Variants in ARHGAP32 observed in about 807,000 individuals in gnomAD.
The protein encoded by ARHGAP32 is rho GTPase-activating protein 32.
A neutral mutation model predicts 186.5 loss-of-function variants in ARHGAP32; 51 were observed. That is an observed-to-expected ratio of 0.27 (90% CI 0.22 to 0.35). The LOEUF is 0.35. Among genes scored for constraint, ARHGAP32 ranks in the 10% least tolerant of loss-of-function variants. ARHGAP32 has a pLI of 1.00. For synonymous variants in ARHGAP32, 950 were observed against 964.3 expected, an observed-to-expected ratio of 0.99 and a Z score of 0.27; for missense variants, 2,186 against 2,623.5, an observed-to-expected ratio of 0.83 and a Z score of 3.64.
intron 2 of ARHGAP32, among the ~76,000 whole-genome samples, chr11:129,155,484 A>G (rs954654592): frequency 2.0e-5 from 3 of 152,238 alleles, no homozygotes; most frequent in African/African-American, 7.2e-5. Flanking sequence ...CTATGCACTC[A>G]TTACAATATT....
intron 2 of ARHGAP32, among the ~76,000 whole-genome samples, chr11:129,160,960 T>C (rs755833378): frequency 6.6e-6 from 1 of 152,120 alleles, no homozygotes; most frequent in Non-Finnish European, 1.5e-5. Flanking sequence ...AACAGATATA[T>C]AGACCAATGG....
chr11:129,193,481 C>CA (rs1204964930), upstream of ARHGAP32, among the ~76,000 whole-genome samples: 211 of 26,038 alleles, frequency 8.1e-3, 10 homozygotes, highest in South Asian at 0.025. Context: ...GACCCTGTCT[C>CA]AAAAAAAAAA....
At chr11:129,278,610 C>A (rs1945565063) in intron 1 of ARHGAP32, among the ~76,000 whole-genome samples, 2 of 152,132 alleles carry the variant, frequency 1.3e-5, no homozygotes, top group Admixed American at 1.3e-4. Context: ...CACCGTCGTC[C>A]AACATGCAGC....
At chr11:129,259,019 T>C (rs1372073783) in intron 1 of ARHGAP32, among the ~76,000 whole-genome samples, 1 of 152,174 alleles carries the variant, frequency 6.6e-6, no homozygotes, top group African/African-American at 2.4e-5. Context: ...ATTATGGTGC[T>C]AGCCACTAGT....
chr11:129,198,669 T>C (rs964273936), intron 1 of ARHGAP32, among the ~76,000 whole-genome samples: 3 of 152,220 alleles, frequency 2.0e-5, no homozygotes, highest in African/African-American at 7.2e-5. Context: ...TTAAACCTCT[T>C]TCCTTTATAG....
chr11:129,027,593 C>T (rs1256551751), intron 11 of ARHGAP32, among the ~76,000 whole-genome samples: 1 of 152,136 alleles, frequency 6.6e-6, no homozygotes, highest in African/African-American at 2.4e-5. Context: ...GCTCTTCCTC[C>T]AGATTACATG....
At chr11:129,073,792 C>A (rs1940947359) in intron 6 of ARHGAP32, among the ~76,000 whole-genome samples, 3 of 149,302 alleles carry the variant, frequency 2.0e-5, no homozygotes, top group Non-Finnish European at 3.0e-5. Context: ...CAAAAAAAAA[C>A]CTTCAGCAAA....
At chr11:129,118,325 G>GA (rs988292886) in intron 5 of ARHGAP32, among the ~76,000 whole-genome samples, 12 of 148,714 alleles carry the variant, frequency 8.1e-5, no homozygotes, top group East Asian at 2.0e-4. Flanking sequence ...CTCTTTTCTG[G>GA]AAAAAAAAAT....
At chr11:129,108,102 A>G (rs1024938775) in intron 5 of ARHGAP32, among the ~76,000 whole-genome samples, 2 of 152,116 alleles carry the variant, frequency 1.3e-5, no homozygotes, top group Non-Finnish European at 2.9e-5. Flanking sequence ...GGCAAAAAAT[A>G]TAAGACATAT....
chr11:129,236,597 T>C (rs10790995), intron 1 of ARHGAP32, among the ~76,000 whole-genome samples: 43,983 of 152,126 alleles, frequency 0.29, 6,701 homozygotes, highest in Middle Eastern at 0.4. Flanking sequence ...AGTCATGATG[T>C]CTTTGCATCC....
rs79907608 is a variant in ARHGAP32 at position 129,190,006 on chromosome 11, T to C, written c.116+2077A>G. On this transcript the variant is annotated intron_variant, in intron 1 of 22. Transcript: ENST00000682385. ...AAAAGTGCACAATCTTTTGCCCTCA[T>C]CTCAGCTATGTGTGTGTATGTGAAT... Among the ~76,000 whole-genome samples the C allele has an allele frequency of 8.8e-3, 1,343 of 152,346 alleles. 16 individuals carry two copies. Among genetic ancestry groups the C allele is most frequent in the Middle Eastern group, 0.041 (12 of 294 alleles).
rs144054536 is a variant in ARHGAP32, at chr11:129,218,206, ATC to A, written c.-4-53781_-4-53780del. On this transcript the variant is annotated intron_variant, in intron 1 of 6. Transcript: ENST00000525234. ...TGAAATATTAAATACGTTAAATAAT[ATC>A]TGTTTATTATAAAGCTGATCCTGAG... Among the ~76,000 whole-genome samples the A allele has an allele frequency of 8.5e-5, 13 of 152,344 alleles. No homozygotes were observed. The East Asian group carries it at 1.3e-3, about 16-fold the overall frequency.
rs367790217 is a variant in ARHGAP32 at position 128,969,675 on chromosome 11, G to A, written c.5538C>T (p.Pro1846=). 18 of 1,613,932 alleles carry A rather than the reference G, an allele frequency of 1.1e-5. No individual in the cohort carries two copies. The highest frequency in any genetic ancestry group is 9.3e-5 in the African/African-American group (7 of 74,894). The change falls in exon 23 of 23, where the codon CCC becomes CCT. Residue 1846 remains proline, a synonymous_variant. Transcript: ENST00000682385. The surrounding 1 kb of genome is among the most constrained non-coding windows in gnomAD (Gnocchi z 4.8). ...GGTGGGCTCTGTCCATCTCTGCCTC[G>A]GGATGCCTCCTATAGAAGCGGTCCT... ...EGEDRFYRRH[P]EAEMDRAHHH...
At chr11:129,016,612 C>G (rs944323152) in intron 11 of ARHGAP32, among the ~76,000 whole-genome samples, 1 of 152,154 alleles carries the variant, frequency 6.6e-6, no homozygotes, top group African/African-American at 2.4e-5. Context: ...CTATCAATAC[C>G]TCACTTTCTT....
At chr11:129,024,044 C>T (rs747844443) in intron 11 of ARHGAP32, 72 of 985,532 alleles carry the variant, frequency 7.3e-5, no homozygotes, top group Middle Eastern at 5.2e-4. Flanking sequence ...CACATCACTG[C>T]CGGGTTCCAG....
rs558772579 is a variant in ARHGAP32, at chr11:129,270,613, G to C, written c.-5+8533C>G. Among the ~76,000 whole-genome samples the C allele has an allele frequency of 2.0e-4, 30 of 151,706 alleles. 1 individual carries two copies. The South Asian group carries it at 6.2e-3, about 32-fold the overall frequency. On this transcript the variant is annotated intron_variant, in intron 1 of 6. Transcript: ENST00000525234. ...GGCTCATCAACTGTAACAAATATGCGACTCTGATGTGGGATGCTGATAATG... is the reference window on the plus strand; with the variant it reads ...GGCTCATCAACTGTAACAAATATGCCACTCTGATGTGGGATGCTGATAATG...
chr11:129,255,997 T>C (rs1025658001), intron 1 of ARHGAP32, among the ~76,000 whole-genome samples: 2 of 152,166 alleles, frequency 1.3e-5, no homozygotes, highest in East Asian at 3.8e-4. Flanking sequence ...AATGGAATGC[T>C]ATACAGCAAT....
intron 1 of ARHGAP32, among the ~76,000 whole-genome samples, chr11:129,220,267 A>G (rs1944696062): frequency 6.6e-6 from 1 of 152,100 alleles, no homozygotes; most frequent in Non-Finnish European, 1.5e-5. Flanking sequence ...ATGTGGGAGG[A>G]AAAAAAGATA....
chr11:129,099,528 T>G (rs560109273), intron 5 of ARHGAP32, among the ~76,000 whole-genome samples: 2 of 152,252 alleles, frequency 1.3e-5, no homozygotes, highest in African/African-American at 4.8e-5. Flanking sequence ...GATGCATTAC[T>G]ATATATGGTG....
Sources: allele counts gnomAD v4.1 joint callset (sites outside exome capture counted in the v4.1 genomes callset), GRCh38; gene constraint gnomAD v4.1.1; non-coding constraint Gnocchi (gnomAD v3.1); transcripts MANE v1.5; gene names NCBI Gene and HGNC (gene_info 2026-07-23, HGNC 2026-07-21).